The following CAPN8 variants were observed in gnomAD, a reference collection of about 807,000 sequenced individuals.
CAPN8 encodes calpain-8.
A neutral mutation model predicts 80.9 loss-of-function variants in CAPN8; 87 were observed. The ratio of observed to expected loss-of-function variants is 1.07; its 90% CI spans 0.90 to 1.28. The LOEUF is 1.28. Among genes scored for constraint, CAPN8 ranks in the 50% most tolerant of loss-of-function variants. CAPN8 has a pLI of 0.00. For synonymous variants in CAPN8, 299 were observed against 273.8 expected (o/e 1.09, Z -0.91); for missense variants, 757 against 702.0 (o/e 1.08, Z -0.89).
chr1:223,544,166 G>C lies in CAPN8; in HGVS notation c.1930C>G (p.Gln644Glu). ...CGCAGGGCAATGGTCTGCTGCACCT[G>C]GCTGTTGAGGGTGAAACCTGAGGGC... ...LRKAGFTLNS[Q>E]VQQTIALRYA... is the part of the protein sequence containing the mutation. Residue 644 changes from glutamine (Q) to glutamate (E), a missense_variant, in exon 19 of 21, where the codon CAG becomes GAG. Gln to Glu is a conservative substitution (Grantham distance 29). Coordinates refer to ENST00000366872, the MANE Select transcript of CAPN8 (RefSeq NM_001143962.2). 1.4e-6 allele frequency: 1 copy of C among 718,156 alleles called. No individual in the cohort carries two copies. Among genetic ancestry groups the C allele is most frequent in the South Asian group, 1.5e-5 (1 of 67,604 alleles). The allele number at this position is 718,156 out of a possible 1,614,324, so 44.5% of individuals were successfully genotyped here.
In CAPN8 at chr1:223,616,258, A is replaced by C. The variant is rs1572232444; in HGVS notation, c.1136-113T>G. 4.1e-6 allele frequency: 5 copies of C among 1,230,620 alleles called. No homozygotes were observed. The East Asian group carries it at 1.3e-4, about 32-fold the overall frequency. 76.2% of individuals were successfully genotyped at this position (1,230,620 alleles called of 1,614,324 possible). On this transcript the variant is annotated intron_variant, in intron 9 of 20. Transcript: ENST00000366872. ...CCTAATGAATGCACAGCTCCATCCAAACTGTGCCTAGTAAGCAGGCCTCAG... is the reference window on the plus strand; with the variant it reads ...CCTAATGAATGCACAGCTCCATCCACACTGTGCCTAGTAAGCAGGCCTCAG...
chr1:223,549,962 T>C (rs954012685), intron 15 of CAPN8, among the ~76,000 whole-genome samples: 3 of 152,096 alleles, frequency 2.0e-5, no homozygotes, highest in South Asian at 2.1e-4. Context: ...TCACAACCAG[T>C]AGGGGGCAAA....
rs772900742 is a variant in CAPN8, at chr1:223,543,110, C to T, written c.2086G>A (p.Glu696Lys). 1.0e-5 allele frequency: 16 copies of T among 1,551,500 alleles called. No individual in the cohort carries two copies. The African/African-American group carries it at 1.1e-4, about 11-fold the overall frequency. ...KDGMVQLSLA[E>K]WLCCVLV ...TCATCAAACCTCAGGACATTCACCT[C>T]GGCCAGAGAGAGCTGAACCATGCCA... is the stretch of plus-strand genomic sequence containing the variant. Residue 696 changes from glutamate (E) to lysine (K), a missense_variant and splice_region_variant, in exon 20 of 21, where the codon GAG (glutamate) becomes AAG (lysine). By Grantham distance (56) the Glu-to-Lys change is moderately conservative. Transcript: ENST00000366872.
chr1:223,638,709 T>C lies in CAPN8; in HGVS notation c.308-9929A>G, dbSNP rs538378873. Among the ~76,000 whole-genome samples the C allele has an allele frequency of 6.6e-5, 10 of 152,068 alleles. No individual in the cohort carries two copies. In the East Asian group the frequency reaches 1.7e-3, roughly 26 times the overall value. ...CCTACTCTCCCTCAAACAAACAACA[T>C]AGAACCGAAGGAAATAATGTCAGGC... is the stretch of plus-strand genomic sequence containing the variant. On this transcript the variant is annotated intron_variant, in intron 2 of 20. Coordinates refer to ENST00000366872, the MANE Select transcript of CAPN8 (RefSeq NM_001143962.2).
At chr1:223,613,039 CT>C (rs34018155) in intron 10 of CAPN8, among the ~76,000 whole-genome samples, 16,610 of 152,180 alleles carry the variant, frequency 0.11, 1,400 homozygotes, top group East Asian at 0.23. Flanking sequence ...AGAGTAGAAG[CT>C]TTCCCATGCC....
At chr1:223,546,889 GTTGTT>G (rs1558335197) in intron 16 of CAPN8, among the ~76,000 whole-genome samples, 564 of 11,172 alleles carry the variant, frequency 0.05, 5 homozygotes, top group African/African-American at 0.1. Flanking sequence ...TTTTGTGGTT[GTTGTT>G]GTTGTTGTTG....
At chr1:223,628,258 T>TGTAC in intron 3 of CAPN8, 116 bp from the exon 4 acceptor site, 1 of 1,213,586 alleles carries the variant, frequency 8.2e-7, no homozygotes, top group South Asian at 1.6e-5. Context: ...CTTGGCTCCT[T>TGTAC]AGGAGCAGGA....
rs935565170 is a variant in CAPN8 at position 223,665,487 on chromosome 1, A to T, written c.160T>A (p.Cys54Ser). The stretch of plus-strand genomic sequence containing the variant: ...TCCTTGTAGCCCAAAGCTGATGGAC[A>T]TGCTGGGAACTCAGGGTCCTTAAAT... Reference protein sequence around the residue: ...VLFKDPEFPACPSALGYKDLG... With the variant: ...VLFKDPEFPASPSALGYKDLG... Residue 54 changes from cysteine (C) to serine (S), a missense_variant, in exon 1 of 21, where the codon TGT becomes AGT. By Grantham distance (112) the Cys-to-Ser change is moderately radical. Coordinates refer to ENST00000366872, the MANE Select transcript of CAPN8 (RefSeq NM_001143962.2). 10 of 1,551,834 alleles carry T rather than the reference A, an allele frequency of 6.4e-6. No homozygotes were observed. The highest frequency in any genetic ancestry group is 3.9e-5 in the Admixed American group (2 of 50,988).
chr1:223,646,994 C>T (rs909167885), intron 2 of CAPN8, among the ~76,000 whole-genome samples: 1 of 152,186 alleles, frequency 6.6e-6, no homozygotes, highest in African/African-American at 2.4e-5. Context: ...TCAGAGAGCA[C>T]CCCCTGGCCT....
intron 9 of CAPN8, chr1:223,617,944 G>C (rs1201712684): frequency 6.3e-6 from 2 of 318,654 alleles, no homozygotes; most frequent in Non-Finnish European, 1.2e-5. Context: ...GCCTGAACCG[G>C]GAGCTTTGGG....
intron 12 of CAPN8, among the ~76,000 whole-genome samples, chr1:223,558,851 A>T (rs1437039993): frequency 6.9e-6 from 1 of 145,078 alleles, no homozygotes; most frequent in African/African-American, 2.6e-5. Context: ...TGTGTGTGTG[A>T]TATATATGTG....
At chr1:223,544,367 T>C (rs1656560269) in intron 18 of CAPN8, 184 bp from the exon 19 acceptor site, 4 of 596,606 alleles carry the variant, frequency 6.7e-6, no homozygotes, top group Admixed American at 2.9e-5. Context: ...CCTCTCCTTG[T>C]AGCTACTCCT....
At chr1:223,652,786 C>T (rs1051351844) in intron 2 of CAPN8, among the ~76,000 whole-genome samples, 1 of 152,078 alleles carries the variant, frequency 6.6e-6, no homozygotes, top group African/African-American at 2.4e-5. Flanking sequence ...GGCTGGGCTC[C>T]CCGGGGCAGC....
chr1:223,630,611 C>T (rs1335433044), intron 2 of CAPN8, among the ~76,000 whole-genome samples: 1 of 152,110 alleles, frequency 6.6e-6, no homozygotes, highest in East Asian at 1.9e-4. Flanking sequence ...GCTGGGATTA[C>T]AGGTGTAAGC....
intron 14 of CAPN8, 110 bp downstream of exon 14, chr1:223,553,722 G>T (rs1310351246): frequency 2.5e-6 from 1 of 398,016 alleles, no homozygotes; most frequent in Non-Finnish European, 4.4e-6. Context: ...TGAGACCTGA[G>T]TCTCACCCTT....
At chr1:223,641,910 CA>C (rs1473151133) in intron 2 of CAPN8, among the ~76,000 whole-genome samples, 1 of 152,174 alleles carries the variant, frequency 6.6e-6, no homozygotes, top group Non-Finnish European at 1.5e-5. Context: ...ATGAGTATGT[CA>C]GATAAGCCAC....
intron 2 of CAPN8, among the ~76,000 whole-genome samples, chr1:223,651,241 C>T (rs559758939): frequency 1.3e-5 from 2 of 152,120 alleles, no homozygotes; most frequent in East Asian, 3.9e-4. Flanking sequence ...TGCCAGGAGG[C>T]CTGAGCGTTG....
At chr1:223,655,882 G>A (rs1452798949) in intron 1 of CAPN8, among the ~76,000 whole-genome samples, 1 of 152,144 alleles carries the variant, frequency 6.6e-6, no homozygotes, top group Non-Finnish European at 1.5e-5. Flanking sequence ...TTTAATCGGT[G>A]GCATCCTGGG....
intron 10 of CAPN8, 147 bp from the exon 11 acceptor site, chr1:223,612,404 G>T (rs1657052220): frequency 4.9e-6 from 3 of 613,136 alleles, no homozygotes; most frequent in African/African-American, 1.9e-5. Flanking sequence ...AAGCCAGTCA[G>T]CATTTCTGAA....
Sources: gnomAD v4.1 joint callset for allele counts (sites outside exome capture counted in the v4.1 genomes callset) on GRCh38, gnomAD v4.1.1 for gene constraint, MANE v1.5 for transcripts, NCBI Gene and HGNC (gene_info 2026-07-23, HGNC 2026-07-21) for gene names.